The following NHSL2 variants were observed in gnomAD, a reference collection of about 807,000 sequenced individuals.
NHSL2 encodes the protein NHS like 2, also known as NHS-like protein 2.
In NHSL2, 27 loss-of-function variants were observed where a neutral mutation model predicts 53.4. The observed-to-expected ratio is 0.51, with a 90% CI of 0.37 to 0.70. The LOEUF (loss-of-function observed/expected upper bound fraction) is 0.70, where lower values mean the gene tolerates loss of function less well. NHSL2 is among the 30% of genes least tolerant of loss of function. The pLI is 0.00. For synonymous variants in NHSL2, 408 were observed against 404.1 expected (o/e 1.01, Z -0.12); for missense variants, 892 against 980.1 (o/e 0.91, Z 1.20).
intron 1 of NHSL2, among the ~76,000 whole-genome samples, chrX:71,934,621 A>G (rs1301788320): frequency 8.9e-6 from 1 of 111,789 alleles, no homozygotes; most frequent in Admixed American, 9.5e-5. Flanking sequence ...TGTGTAGAGA[A>G]TGGACTGTGA....
intron 1 of NHSL2, among the ~76,000 whole-genome samples, chrX:72,009,706 A>C (rs1429976470): frequency 8.9e-6 from 1 of 112,324 alleles, no homozygotes; most frequent in African/African-American, 3.2e-5. Flanking sequence ...CATGTACTTT[A>C]TTTATTTCCC....
intron 1 of NHSL2, among the ~76,000 whole-genome samples, chrX:72,027,098 C>T (rs1265680091): frequency 8.9e-6 from 1 of 112,155 alleles, no homozygotes; most frequent in Non-Finnish European, 1.9e-5. Flanking sequence ...CTGTCCAGTG[C>T]TCCCTTCCCT....
At chrX:71,960,687 G>A (rs953441331) in intron 1 of NHSL2, among the ~76,000 whole-genome samples, 4 of 112,283 alleles carry the variant, frequency 3.6e-5, no homozygotes, top group Non-Finnish European at 7.5e-5. Context: ...TCAATTTTCT[G>A]TAGATGCATG....
intron 1 of NHSL2, among the ~76,000 whole-genome samples, chrX:72,024,335 G>A (rs1460697529): frequency 8.9e-6 from 1 of 111,853 alleles, no homozygotes; most frequent in Non-Finnish European, 1.9e-5. Context: ...ACCAGGAGAG[G>A]CCCTGGGGAC....
chrX:71,983,455 A>T (rs867832312), intron 1 of NHSL2, among the ~76,000 whole-genome samples: 1 of 94,515 alleles, frequency 1.1e-5, no homozygotes, highest in Non-Finnish European at 2.2e-5. Flanking sequence ...AAAAAAAAAA[A>T]TTAAAATTAG....
At chrX:72,046,720 A>G (rs756011982) in intron 1 of NHSL2, among the ~76,000 whole-genome samples, 1 of 109,583 alleles carries the variant, frequency 9.1e-6, no homozygotes, top group Admixed American at 9.7e-5. Context: ...GAAAGGTTTC[A>G]GGGATCACCT....
At chrX:72,129,962 T>G in intron 1 of NHSL2, 1 of 1,210,867 alleles carries the variant, frequency 8.3e-7, no homozygotes, top group African/African-American at 1.7e-5. Context: ...TGGGGGGAGC[T>G]GTAGAATGGT....
intron 1 of NHSL2, among the ~76,000 whole-genome samples, chrX:72,083,692 G>GA (rs1226122368): frequency 1.3e-4 from 14 of 108,915 alleles, no homozygotes; most frequent in East Asian, 5.7e-4. Context: ...ATTTGTTTAA[G>GA]AAAAAAAAAC....
Position 72,139,962 on chromosome X carries a change from T to C in NHSL2, c.2414T>C (p.Phe805Ser). The C allele has an allele frequency of 1.7e-6, 2 of 1,209,984 alleles. No homozygotes were observed. The highest frequency in any genetic ancestry group is 1.1e-6 in the Non-Finnish European group (1 of 894,449). ...KVSRHHSETN[F>S]GVKLAQKTNP... ...AGTCGGCACCACTCAGAGACAAATT[T>C]TGGCGTCAAGCTGGCCCAGAAAACT... Residue 805 changes from phenylalanine to serine, a missense_variant, in exon 6 of 8, where the codon TTT becomes TCT. Transcript: ENST00000633930.
intron 1 of NHSL2, among the ~76,000 whole-genome samples, chrX:71,999,316 G>A (rs1384598636): frequency 3.6e-5 from 4 of 112,303 alleles, no homozygotes; most frequent in Non-Finnish European, 7.5e-5. Flanking sequence ...CCTAGAGGGC[G>A]CTCAATAAAT....
rs1487735151 is a variant in NHSL2, at chrX:72,137,138, AAC to A, written c.809_810del (p.Thr270ArgfsTer21). 1 of 1,164,037 alleles carries A rather than the reference AAC, an allele frequency of 8.6e-7. No individual in the cohort carries two copies. Among genetic ancestry groups the A allele is most frequent in the Non-Finnish European group, 1.1e-6 (1 of 870,529 alleles). On this transcript the variant is annotated frameshift_variant, in exon 5 of 8. Coordinates refer to ENST00000633930, the MANE Select transcript of NHSL2 (RefSeq NM_001013627.3). LOFTEE classifies it high-confidence loss of function. ...TGCAAGTTTGCGACACTCGTTGTTT[AAC>A]ACAGAGACAGCCGTGAACCCCAAGT... is the stretch of plus-strand genomic sequence containing the variant. ...KHASLRHSLF[N>X]TETAVNPKST...
In NHSL2 at chrX:72,151,740, G is replaced by A. The variant is rs2042515232; in HGVS notation, c.*8166G>A. 9.0e-6 allele frequency: 1 copy of A among 111,602 alleles called. No homozygotes were observed. 9.2% of individuals were successfully genotyped at this position (111,602 alleles called of 1,213,427 possible). On this transcript the variant is annotated 3_prime_UTR_variant, in exon 8 of 8. Transcript: ENST00000633930. ...CCATAACTTCTCCCTCATATCTGTGGTTGGAGACTCCCACCCTTGTCCACC... is the reference window on the plus strand; with the variant it reads ...CCATAACTTCTCCCTCATATCTGTGATTGGAGACTCCCACCCTTGTCCACC...
At chrX:72,022,458 C>T (rs1260235325) in intron 1 of NHSL2, among the ~76,000 whole-genome samples, 12 of 111,161 alleles carry the variant, frequency 1.1e-4, no homozygotes, top group Non-Finnish European at 1.9e-4. Flanking sequence ...AAGATCACTG[C>T]ACCCATAGAT....
chrX:72,083,243 G>A (rs2041807850), intron 1 of NHSL2, among the ~76,000 whole-genome samples: 2 of 112,938 alleles, frequency 1.8e-5, no homozygotes, highest in Non-Finnish European at 3.7e-5. Context: ...TGGCCACAGC[G>A]ACAGAGTGGC....
chrX:71,922,845 A>C (rs1032697164), intron 1 of NHSL2, among the ~76,000 whole-genome samples: 1 of 112,350 alleles, frequency 8.9e-6, no homozygotes, highest in African/African-American at 3.2e-5. Context: ...TTGGATAGCA[A>C]AGTCTCCCTG....
chrX:72,085,281 A>G (rs2041828815), intron 1 of NHSL2, among the ~76,000 whole-genome samples: 1 of 112,221 alleles, frequency 8.9e-6, no homozygotes, highest in Non-Finnish European at 1.9e-5. Context: ...TTTGCTTATT[A>G]CATATATTTC....
At chrX:72,056,491 T>A (rs1032476967) in intron 1 of NHSL2, among the ~76,000 whole-genome samples, 2 of 111,464 alleles carry the variant, frequency 1.8e-5, no homozygotes, top group Non-Finnish European at 3.8e-5. Context: ...CTGTACCCTT[T>A]ATTCATTGCA....
intron 1 of NHSL2, among the ~76,000 whole-genome samples, chrX:72,074,468 C>T (rs188057357): frequency 2.7e-5 from 3 of 112,061 alleles, no homozygotes; most frequent in African/African-American, 6.5e-5. Context: ...TCTAGGCCAC[C>T]GAACAAAATA....
At chrX:72,093,713 G>GCTTT (rs751349644) in intron 1 of NHSL2, among the ~76,000 whole-genome samples, 5,227 of 50,754 alleles carry the variant, frequency 0.1, 173 homozygotes, top group African/African-American at 0.15. Flanking sequence ...CCCTAGTATA[G>GCTTT]CTTGCTTGCT....
Sources: allele counts gnomAD v4.1 joint callset (sites outside exome capture counted in the v4.1 genomes callset), GRCh38; gene constraint gnomAD v4.1.1; transcripts MANE v1.5; gene names NCBI Gene and HGNC (gene_info 2026-07-23, HGNC 2026-07-21).